The following GPC5 variants were observed in gnomAD, a reference collection of about 807,000 sequenced individuals.
The protein encoded by GPC5 is glypican-5.
A neutral mutation model predicts 53.9 loss-of-function variants in GPC5; 47 were observed. The ratio of observed to expected loss-of-function variants is 0.87; its 90% CI spans 0.69 to 1.11. The LOEUF (loss-of-function observed/expected upper bound fraction) is 1.11, where lower values mean the gene tolerates loss of function less well. GPC5 is among the 50% of genes most tolerant of loss of function. The pLI is 0.00. For synonymous variants in GPC5, 286 were observed against 263.3 expected (o/e 1.09, Z -0.84); for missense variants, 748 against 713.1 (o/e 1.05, Z -0.56).
intron 7 of GPC5, among the ~76,000 whole-genome samples, chr13:92,848,551 T>G (rs961409754): frequency 6.6e-6 from 1 of 152,148 alleles, no homozygotes; most frequent in Non-Finnish European, 1.5e-5. Context: ...TTTAAGGGGC[T>G]TAAAATCAAG....
At chr13:91,479,752 T>C (rs1883202094) in intron 2 of GPC5, among the ~76,000 whole-genome samples, 1 of 152,140 alleles carries the variant, frequency 6.6e-6, no homozygotes. Flanking sequence ...ATTTTCTATA[T>C]TCAGCATACC....
intron 5 of GPC5, among the ~76,000 whole-genome samples, chr13:91,877,948 G>T (rs1328489269): frequency 6.6e-6 from 1 of 152,158 alleles, no homozygotes; most frequent in Non-Finnish European, 1.5e-5. Flanking sequence ...CATGAGATTT[G>T]ATGGGTTTAT....
intron 2 of GPC5, among the ~76,000 whole-genome samples, chr13:91,478,979 C>T (rs112460878): frequency 0.079 from 11,273 of 143,308 alleles, 702 homozygotes; most frequent in African/African-American, 0.14. Context: ...AGTGCACCAT[C>T]TTGGCTCACT....
intron 7 of GPC5, among the ~76,000 whole-genome samples, chr13:92,760,855 A>G (rs369916522): frequency 6.6e-6 from 1 of 151,904 alleles, no homozygotes; most frequent in Admixed American, 6.6e-5. Flanking sequence ...CATTTCTATT[A>G]TTGTTTGTTT....
intron 7 of GPC5, among the ~76,000 whole-genome samples, chr13:92,545,384 G>A (rs1882072572): frequency 6.6e-6 from 1 of 152,146 alleles, no homozygotes; most frequent in Non-Finnish European, 1.5e-5. Context: ...AAACATACGT[G>A]TGCATGTGTC....
At chr13:91,403,561 T>G (rs937538685) in intron 1 of GPC5, among the ~76,000 whole-genome samples, 7 of 152,216 alleles carry the variant, frequency 4.6e-5, no homozygotes, top group African/African-American at 1.7e-4. Flanking sequence ...CAGAGTGCCT[T>G]TGTCCTCATC....
rs1367873479 is a variant in GPC5 at position 92,114,023 on chromosome 13, T to C, written c.1402-30807T>C. Among the ~76,000 whole-genome samples the C allele has an allele frequency of 1.3e-5, 2 of 152,206 alleles. 1 individual carries two copies. Among genetic ancestry groups the C allele is most frequent in the Admixed American group, 1.3e-4 (2 of 15,280 alleles). Reference sequence around the variant, plus strand: ...GTTATATGGAAAAGCTATAAACTTGTTTTTGTGGGGTTTTCAATTTCAGTA... The same window carrying C: ...GTTATATGGAAAAGCTATAAACTTGCTTTTGTGGGGTTTTCAATTTCAGTA... On this transcript the variant is annotated intron_variant, in intron 6 of 7. Transcript: ENST00000377067.
Position 92,827,411 on chromosome 13 carries a change from T to C in GPC5, c.1562-38871T>C, listed in dbSNP as rs12428589. Among the ~76,000 whole-genome samples the C allele has an allele frequency of 0.026, 3,883 of 152,114 alleles. 385 individuals carry two copies. In the East Asian group the frequency reaches 0.33, roughly 13 times the overall value. ...ATATTTCTGGACATTATTCATGAAG[T>C]TGGAAGGAGGCGATGACCTAGAAGA... On this transcript the variant is annotated intron_variant, in intron 7 of 7. Transcript: ENST00000377067.
intron 7 of GPC5, among the ~76,000 whole-genome samples, chr13:92,452,497 ACTTTGCT>A (rs1452358326): frequency 6.6e-6 from 1 of 152,172 alleles, no homozygotes; most frequent in Non-Finnish European, 1.5e-5. Context: ...TATGTGCCCA[ACTTTGCT>A]CTTTGCACTA....
intron 7 of GPC5, among the ~76,000 whole-genome samples, chr13:92,331,379 G>A (rs1027766016): frequency 1.3e-5 from 2 of 152,034 alleles, no homozygotes; most frequent in African/African-American, 2.4e-5. Context: ...CTTTGTCTCT[G>A]GATCCTTTGT....
At chr13:92,508,730 C>A (rs1295781896) in intron 7 of GPC5, among the ~76,000 whole-genome samples, 1 of 152,134 alleles carries the variant, frequency 6.6e-6, no homozygotes, top group Non-Finnish European at 1.5e-5. Flanking sequence ...AAAAGACATT[C>A]TCTTTACAGG....
intron 5 of GPC5, among the ~76,000 whole-genome samples, chr13:91,784,444 G>T (rs2037845742): frequency 6.6e-6 from 1 of 152,134 alleles, no homozygotes; most frequent in Admixed American, 6.5e-5. Flanking sequence ...CCTATTTGAG[G>T]CCGGGCGCAG....
intron 7 of GPC5, among the ~76,000 whole-genome samples, chr13:92,483,418 G>A (rs529486523): frequency 3.3e-5 from 5 of 152,232 alleles, no homozygotes; most frequent in African/African-American, 1.2e-4. Context: ...TCTAAACATA[G>A]AGAAGATACT....
intron 7 of GPC5, among the ~76,000 whole-genome samples, chr13:92,239,356 T>C (rs944492014): frequency 6.6e-6 from 1 of 151,966 alleles, no homozygotes; most frequent in Admixed American, 6.6e-5. Context: ...TCTTTAATTT[T>C]ATTCAACAAT....
intron 7 of GPC5, among the ~76,000 whole-genome samples, chr13:92,169,909 A>C (rs2042057460): frequency 6.6e-6 from 1 of 152,076 alleles, no homozygotes; most frequent in South Asian, 2.1e-4. Context: ...GCATTTTAGA[A>C]AGTTTCCTTA....
chr13:92,461,663 T>C (rs998888226), intron 7 of GPC5, among the ~76,000 whole-genome samples: 17 of 152,154 alleles, frequency 1.1e-4, no homozygotes, highest in Admixed American at 2.6e-4. Flanking sequence ...ATTAATGCCT[T>C]TGTAAGAAGA....
At chr13:92,028,764 A>G (rs1212925982) in intron 6 of GPC5, among the ~76,000 whole-genome samples, 5 of 152,174 alleles carry the variant, frequency 3.3e-5, no homozygotes, top group Non-Finnish European at 5.9e-5. Context: ...GAGGAATGGG[A>G]AAAACAGAGC....
chr13:92,847,406 G>T (rs915270128), intron 7 of GPC5, among the ~76,000 whole-genome samples: 2 of 152,062 alleles, frequency 1.3e-5, no homozygotes, highest in Admixed American at 1.3e-4. Context: ...ATTGGAGGAG[G>T]GGCCTGCTGA....
At chr13:91,533,886 G>T (rs537534679) in intron 2 of GPC5, among the ~76,000 whole-genome samples, 8 of 152,274 alleles carry the variant, frequency 5.3e-5, no homozygotes, top group Middle Eastern at 3.4e-3. Context: ...CTGGAATTGT[G>T]CAGTTAATGA....
Sources: gnomAD v4.1 joint callset for allele counts (sites outside exome capture counted in the v4.1 genomes callset) on GRCh38, gnomAD v4.1.1 for gene constraint, MANE v1.5 for transcripts, NCBI Gene and HGNC (gene_info 2026-07-23, HGNC 2026-07-21) for gene names.